PDE4D: variants seen among roughly 807,000 people sequenced by gnomAD.
The protein encoded by PDE4D is 3',5'-cyclic-AMP phosphodiesterase 4D.
Under a neutral mutation model 87.4 loss-of-function variants are expected in PDE4D, and 24 were observed. That is an observed-to-expected ratio of 0.27 (90% CI 0.20 to 0.39). The LOEUF is 0.39. Among genes scored for constraint, PDE4D ranks in the 10% least tolerant of loss-of-function variants. The probability of loss-of-function intolerance (pLI) is 1.00; values close to 1 mark genes in which losing one functional copy is unlikely to be tolerated. For synonymous variants in PDE4D, 384 were observed against 383.2 expected (o/e 1.00, Z -0.02); for missense variants, 714 against 1,041.0 (o/e 0.69, Z 4.32).
intron 1 of PDE4D, among the ~76,000 whole-genome samples, chr5:59,235,383 T>C (rs769710911): frequency 6.6e-6 from 1 of 152,184 alleles, no homozygotes; most frequent in Non-Finnish European, 1.5e-5. Flanking sequence ...CATTGTTCAG[T>C]GGAATTCACA....
intron 1 of PDE4D, among the ~76,000 whole-genome samples, chr5:59,651,164 G>A (rs1366353352): frequency 1.3e-5 from 2 of 151,326 alleles, no homozygotes; most frequent in Admixed American, 1.3e-4. Flanking sequence ...GCTGAGGCAG[G>A]AGAATGGCGT....
At chr5:60,133,497 C>T (rs1013118581) in intron 2 of PDE4D, among the ~76,000 whole-genome samples, 4 of 151,878 alleles carry the variant, frequency 2.6e-5, no homozygotes, top group African/African-American at 9.7e-5. Context: ...TAACAAATAT[C>T]AAAACCTAAA....
chr5:59,459,280 G>A (rs949219248), intron 1 of PDE4D, among the ~76,000 whole-genome samples: 1 of 152,176 alleles, frequency 6.6e-6, no homozygotes, highest in African/African-American at 2.4e-5. Flanking sequence ...CATTTGGGAA[G>A]CAACTTTCTG....
At chr5:59,422,248 T>C (rs1004403407) in intron 1 of PDE4D, among the ~76,000 whole-genome samples, 2 of 152,138 alleles carry the variant, frequency 1.3e-5, no homozygotes, top group Non-Finnish European at 2.9e-5. Context: ...CTGATTACCT[T>C]TTCCTTAGAC....
chr5:59,511,366 A>G (rs977893228), intron 1 of PDE4D, among the ~76,000 whole-genome samples: 3 of 152,002 alleles, frequency 2.0e-5, no homozygotes, highest in Non-Finnish European at 4.4e-5. Context: ...AAAAGTATAC[A>G]ATTATTATTA....
intron 1 of PDE4D, among the ~76,000 whole-genome samples, chr5:59,799,444 A>AT (rs1471507720): frequency 3.3e-5 from 5 of 152,230 alleles, no homozygotes; most frequent in Non-Finnish European, 5.9e-5. Flanking sequence ...ATGGCATCTC[A>AT]TTTTTTATTG....
intron 1 of PDE4D, among the ~76,000 whole-genome samples, chr5:59,255,021 C>T (rs1290923109): frequency 6.6e-6 from 1 of 152,056 alleles, no homozygotes; most frequent in Non-Finnish European, 1.5e-5. Flanking sequence ...AAAGGTTAAA[C>T]TTAGAGCTAC....
intron 1 of PDE4D, among the ~76,000 whole-genome samples, chr5:60,280,609 A>C (rs1665133927): frequency 6.6e-6 from 1 of 152,158 alleles, no homozygotes. Context: ...GGAGAGCTAC[A>C]CTTCGTGGCC....
intron 1 of PDE4D, among the ~76,000 whole-genome samples, chr5:59,391,112 TTAAG>T (rs1358468951): frequency 6.6e-6 from 1 of 152,140 alleles, no homozygotes; most frequent in East Asian, 1.9e-4. Context: ...GAGGTGAGCC[TTAAG>T]TAAGCATAGG....
At chr5:60,351,908 C>T (rs1198647372) in intron 1 of PDE4D, among the ~76,000 whole-genome samples, 6 of 151,308 alleles carry the variant, frequency 4.0e-5, no homozygotes, top group Non-Finnish European at 7.4e-5. Flanking sequence ...TGGGGTCAAG[C>T]GATCCTCCCA....
intron 5 of PDE4D, among the ~76,000 whole-genome samples, chr5:59,166,681 G>C (rs183707674): frequency 6.6e-6 from 1 of 152,318 alleles, no homozygotes; most frequent in Admixed American, 6.5e-5. Context: ...AATCCCTTGA[G>C]AATGGTTTCA....
chr5:59,193,674 T>C, intron 2 of PDE4D, 138 bp from the exon 3 acceptor site: 1 of 1,462,512 alleles, frequency 6.8e-7, no homozygotes, highest in South Asian at 1.5e-5. Flanking sequence ...CTTCAGCACA[T>C]GTTCTTCCCA....
intron 2 of PDE4D, among the ~76,000 whole-genome samples, chr5:60,051,079 C>T (rs1261115348): frequency 6.6e-6 from 1 of 152,146 alleles, no homozygotes; most frequent in Non-Finnish European, 1.5e-5. Flanking sequence ...TAGACTCCCA[C>T]ACAATAATAT....
chr5:59,752,294 T>A (rs1760593927), intron 1 of PDE4D, among the ~76,000 whole-genome samples: 1 of 152,200 alleles, frequency 6.6e-6, no homozygotes, highest in South Asian at 2.1e-4. Flanking sequence ...AGTACTACTG[T>A]CTTTCAAGAG....
intron 1 of PDE4D, among the ~76,000 whole-genome samples, chr5:60,193,627 G>C (rs1785379208): frequency 7.7e-6 from 1 of 129,688 alleles, no homozygotes; most frequent in Non-Finnish European, 1.5e-5. Context: ...AGCCGAGATT[G>C]CGCCACTGCA....
At chr5:59,208,632 T>G (rs564196743) in intron 2 of PDE4D, among the ~76,000 whole-genome samples, 2 of 151,706 alleles carry the variant, frequency 1.3e-5, no homozygotes, top group South Asian at 4.2e-4. Flanking sequence ...ATGATTTTTT[T>G]GAAAGTATGA....
chr5:59,057,766 G>C (rs1253347553), intron 5 of PDE4D, among the ~76,000 whole-genome samples: 1 of 152,160 alleles, frequency 6.6e-6, no homozygotes, highest in African/African-American at 2.4e-5. Flanking sequence ...AGCTCAGATG[G>C]TAGGAAGGGC....
At chr5:59,569,556 C>A (rs570444320) in intron 1 of PDE4D, among the ~76,000 whole-genome samples, 3 of 152,166 alleles carry the variant, frequency 2.0e-5, no homozygotes, top group Non-Finnish European at 2.9e-5. Flanking sequence ...ATCCTTACTT[C>A]GCCACCTGGA....
intron 1 of PDE4D, among the ~76,000 whole-genome samples, chr5:59,661,431 T>C (rs1472798625): frequency 6.6e-6 from 1 of 152,170 alleles, no homozygotes. Context: ...GTCAGCAGCA[T>C]GTTGACATGT....
Sources: gnomAD v4.1 joint callset for allele counts (sites outside exome capture counted in the v4.1 genomes callset) on GRCh38, gnomAD v4.1.1 for gene constraint, MANE v1.5 for transcripts, NCBI Gene and HGNC (gene_info 2026-07-23, HGNC 2026-07-21) for gene names.